ANKRD10: variants seen among roughly 807,000 people sequenced by gnomAD.
The protein encoded by ANKRD10 is ankyrin repeat domain 10, also known as ankyrin repeat domain-containing protein 10.
A neutral mutation model predicts 27.0 loss-of-function variants in ANKRD10; 14 were observed. That is an observed-to-expected ratio of 0.52 (90% CI 0.34 to 0.81). The LOEUF (loss-of-function observed/expected upper bound fraction) is 0.81, where lower values mean the gene tolerates loss of function less well. ANKRD10 is among the 40% of genes least tolerant of loss of function. The probability of loss-of-function intolerance (pLI) is 0.01; values close to 1 mark genes in which losing one functional copy is unlikely to be tolerated. For missense variants in ANKRD10, 493 were observed against 544.0 expected, an observed-to-expected ratio of 0.91 and a Z score of 0.93; for synonymous variants, 250 against 224.5, an observed-to-expected ratio of 1.11 and a Z score of -1.01.
chr13:110,910,891 T>C (rs2065680710), intron 1 of ANKRD10, 121 bp from the exon 2 acceptor site: 3 of 1,048,088 alleles, frequency 2.9e-6, no homozygotes. Context: ...TTTTAACAGA[T>C]TAAGTCACTC....
At chr13:110,899,605 T>C (rs3742183) in intron 3 of ANKRD10, among the ~76,000 whole-genome samples, 6,130 of 152,304 alleles carry the variant, frequency 0.04, 256 homozygotes, top group South Asian at 0.2. Context: ...ATCAGATTTT[T>C]AGGCTAGCAA....
intron 2 of ANKRD10, among the ~76,000 whole-genome samples, chr13:110,909,990 A>G (rs1010144073): frequency 6.6e-6 from 1 of 152,228 alleles, no homozygotes; most frequent in Admixed American, 6.5e-5. Flanking sequence ...CCAGTCAGAC[A>G]ACCTAATGGT....
Position 110,890,025 on chromosome 13 carries a change from G to A in ANKRD10, c.691+3003C>T, listed in dbSNP as rs558779796. On this transcript the variant is annotated intron_variant, in intron 4 of 5. Coordinates refer to ENST00000267339, the MANE Select transcript of ANKRD10 (RefSeq NM_017664.4). ...TACTCAAAGTATTTTATATACATGTGTTAAATGAGGAAAAAAGAATTTATC... is the reference window on the plus strand; with the variant it reads ...TACTCAAAGTATTTTATATACATGTATTAAATGAGGAAAAAAGAATTTATC... Among the ~76,000 whole-genome samples, 27 of 152,182 alleles carry A rather than the reference G, an allele frequency of 1.8e-4. No homozygotes were observed. The South Asian group carries it at 5.4e-3, about 30-fold the overall frequency.
chr13:110,905,979 CA>C, intron 3 of ANKRD10, 53 bp downstream of exon 3: 7 of 1,493,324 alleles, frequency 4.7e-6, no homozygotes, highest in Non-Finnish European at 5.5e-6. Flanking sequence ...TGCCTTTAAA[CA>C]AAACATCCTC....
rs1165714227 is a variant in ANKRD10 at position 110,893,133 on chromosome 13, C to T, written c.586G>A (p.Gly196Arg). 3 of 1,614,058 alleles carry T rather than the reference C, an allele frequency of 1.9e-6. No individual in the cohort carries two copies. Among genetic ancestry groups the T allele is most frequent in the African/African-American group, 2.7e-5 (2 of 74,926 alleles). ...TTAGGAAATACATTCTGATGACCCC[C>T]ATTTAAGATGCCATTGTTATAGAAA... ...NHFYNNGILN[G>R]GHQNVFPNHI... The change falls in exon 4 of 6, where the codon GGG becomes AGG. Residue 196 changes from glycine (G) to arginine (R), a missense_variant. Coordinates refer to ENST00000267339, the MANE Select transcript of ANKRD10 (RefSeq NM_017664.4).
rs1270392570 is a variant in ANKRD10, at chr13:110,883,833, G to GT, written c.692-41dup. ...AAGACTATTTCAGATTCCTTTGTCT[G>GT]TAACAAGATAAGTGTTCAGACACAC... On this transcript the variant is annotated intron_variant, in intron 4 of 5. Coordinates refer to ENST00000267339, the MANE Select transcript of ANKRD10 (RefSeq NM_017664.4). The GT allele has an allele frequency of 2.7e-6, 4 of 1,482,628 alleles. No individual in the cohort carries two copies. In the East Asian group the frequency reaches 1.1e-4, roughly 41 times the overall value. 91.8% of individuals were successfully genotyped at this position (1,482,628 alleles called of 1,614,324 possible).
Position 110,906,039 on chromosome 13 carries a change from T to C in ANKRD10, c.449A>G (p.His150Arg), listed in dbSNP as rs560351113. 70 of 1,596,410 alleles carry C rather than the reference T, an allele frequency of 4.4e-5. No individual in the cohort carries two copies. The South Asian group carries it at 7.6e-4, about 17-fold the overall frequency. ...CISALVANGA[H>R]VDLRNASGLT... is the part of the protein sequence containing the mutation. ...ATAAACGAAAGACACTTACTCGACG[T>C]GAGCCCCATTCGCCACAAGGGCACT... Residue 150 changes from histidine (H) to arginine (R), a missense_variant, in exon 3 of 6, where the codon CAC (histidine) becomes CGC (arginine). His to Arg is a conservative substitution (Grantham distance 29, BLOSUM62 0). Transcript: ENST00000267339.
chr13:110,902,321 T>C (rs980017649), intron 3 of ANKRD10, among the ~76,000 whole-genome samples: 8 of 152,058 alleles, frequency 5.3e-5, no homozygotes, highest in African/African-American at 1.9e-4. Flanking sequence ...TCATCACCTG[T>C]ATTTGACCTA....
chr13:110,882,365 C>G (rs931694582), intron 5 of ANKRD10, among the ~76,000 whole-genome samples: 1 of 152,134 alleles, frequency 6.6e-6, no homozygotes, highest in Non-Finnish European at 1.5e-5. Context: ...GTGCCATGTC[C>G]CACAAGGAAA....
rs2065854133 is a variant in ANKRD10, at chr13:110,915,034, G to A, written c.-100C>T. The A allele has an allele frequency of 4.9e-6, 7 of 1,441,228 alleles. No individual in the cohort carries two copies. The South Asian group carries it at 7.2e-5, about 15-fold the overall frequency. 89.3% of individuals were successfully genotyped at this position (1,441,228 alleles called of 1,614,324 possible). A position where few individuals can be genotyped will look rare whatever the true frequency, so the allele number is the denominator to read the frequency against. On this transcript the variant is annotated 5_prime_UTR_variant, in exon 1 of 6. Coordinates refer to ENST00000267339, the MANE Select transcript of ANKRD10 (RefSeq NM_017664.4). ...AGCACAAAGGAACGAGACTAGCGCC[G>A]CGGTCGCGTCCCACAGGCTGCCGAG... is the stretch of plus-strand genomic sequence containing the variant.
At position 110,879,616 on chromosome 13, in the gene ANKRD10, C is replaced by A. The variant is rs1436930567; in HGVS notation, c.*21G>T. 1 of 1,589,752 alleles carries A rather than the reference C, an allele frequency of 6.3e-7. No homozygotes were observed. Among genetic ancestry groups the A allele is most frequent in the African/African-American group, 1.3e-5 (1 of 74,536 alleles). Reference sequence around the variant, plus strand: ...GCTACCAGGAAGGACTCCTGCGTTTCCGAGAGCCAGGTCAGCGTCTCTAGG... The same window carrying A: ...GCTACCAGGAAGGACTCCTGCGTTTACGAGAGCCAGGTCAGCGTCTCTAGG... On this transcript the variant is annotated 3_prime_UTR_variant, in exon 6 of 6. Transcript: ENST00000267339.
chr13:110,894,782 A>G (rs1050172602), intron 3 of ANKRD10: 1 of 152,210 alleles, frequency 6.6e-6, no homozygotes, highest in Non-Finnish European at 1.5e-5. Flanking sequence ...ATGAATGGCC[A>G]TGAGTATTTT....
At chr13:110,912,983 T>A (rs1003247739) in intron 1 of ANKRD10, among the ~76,000 whole-genome samples, 1 of 152,244 alleles carries the variant, frequency 6.6e-6, no homozygotes, top group African/African-American at 2.4e-5. Flanking sequence ...ATGACCAAGG[T>A]AAAGCTACTA....
intron 3 of ANKRD10, among the ~76,000 whole-genome samples, chr13:110,896,747 T>C (rs2065236332): frequency 6.6e-6 from 1 of 152,260 alleles, no homozygotes; most frequent in African/African-American, 2.4e-5. Context: ...CTCATAAAGC[T>C]TTATTTATGA....
chr13:110,898,494 C>T (rs2065288640), intron 3 of ANKRD10, among the ~76,000 whole-genome samples: 1 of 152,224 alleles, frequency 6.6e-6, no homozygotes, highest in African/African-American at 2.4e-5. Context: ...CCACACTCAA[C>T]TCTAGTACTT....
chr13:110,910,484 CAT>C (rs1433906770), intron 2 of ANKRD10, 132 bp downstream of exon 2: 25 of 1,171,370 alleles, frequency 2.1e-5, no homozygotes, highest in South Asian at 8.9e-5. Flanking sequence ...ACTGAAGAAA[CAT>C]AAATTCCAGT....
At chr13:110,899,406 C>T (rs1001018357) in intron 3 of ANKRD10, among the ~76,000 whole-genome samples, 2 of 152,152 alleles carry the variant, frequency 1.3e-5, no homozygotes, top group Admixed American at 6.5e-5. Context: ...TGTGTCTGTT[C>T]GTTTCTGAAA....
chr13:110,888,233 C>T (rs2064985132), intron 4 of ANKRD10, among the ~76,000 whole-genome samples: 1 of 149,736 alleles, frequency 6.7e-6, no homozygotes, highest in Non-Finnish European at 1.5e-5. Flanking sequence ...GTGTGCCAGT[C>T]TTCGTTTTGC....
At chr13:110,889,927 T>A (rs1467317639) in intron 4 of ANKRD10, among the ~76,000 whole-genome samples, 1 of 152,104 alleles carries the variant, frequency 6.6e-6, no homozygotes, top group African/African-American at 2.4e-5. Context: ...CACCTGTAAC[T>A]TTTTTTGTTT....
Sources: gnomAD v4.1 joint callset for allele counts (sites outside exome capture counted in the v4.1 genomes callset) on GRCh38, gnomAD v4.1.1 for gene constraint, MANE v1.5 for transcripts, NCBI Gene and HGNC (gene_info 2026-07-23, HGNC 2026-07-21) for gene names.